IMMP2L: variants seen among roughly 807,000 people sequenced by gnomAD.
IMMP2L encodes inner mitochondrial membrane peptidase subunit 2.
Under a neutral mutation model 19.3 loss-of-function variants are expected in IMMP2L, and 18 were observed. The ratio of observed to expected loss-of-function variants is 0.93; its 90% CI spans 0.64 to 1.38. The LOEUF is 1.38. Among genes scored for constraint, IMMP2L ranks in the 40% most tolerant of loss-of-function variants. The pLI, the probability that IMMP2L is intolerant of heterozygous loss-of-function variation, is 0.00. For synonymous variants in IMMP2L, 76 were observed against 73.0 expected (o/e 1.04, Z -0.21); for missense variants, 233 against 218.2 (o/e 1.07, Z -0.43).
chr7:110,927,892 A>T (rs1815034539), intron 4 of IMMP2L, among the ~76,000 whole-genome samples: 3 of 152,136 alleles, frequency 2.0e-5, no homozygotes, highest in African/African-American at 7.2e-5. Context: ...TGAAACAGTG[A>T]CCTTGCTTAA....
At chr7:111,159,504 T>C (rs1805019867) in intron 3 of IMMP2L, among the ~76,000 whole-genome samples, 1 of 152,164 alleles carries the variant, frequency 6.6e-6, no homozygotes, top group South Asian at 2.1e-4. Flanking sequence ...CTGTAATATT[T>C]TTAACTTCTC....
intron 2 of IMMP2L, among the ~76,000 whole-genome samples, chr7:111,504,643 A>G (rs1217349292): frequency 6.6e-6 from 1 of 152,174 alleles, no homozygotes; most frequent in African/African-American, 2.4e-5. Flanking sequence ...AATGGAACAG[A>G]ACAGAGCCCT....
chr7:111,232,353 A>G (rs1224895555), intron 3 of IMMP2L, among the ~76,000 whole-genome samples: 1 of 151,300 alleles, frequency 6.6e-6, no homozygotes, highest in African/African-American at 2.4e-5. Flanking sequence ...TTAGTTCACT[A>G]TATTGATTCA....
At position 111,273,867 on chromosome 7, in the gene IMMP2L, TGA is replaced by T. The variant is rs1818740736; in HGVS notation, c.239+213369_239+213370del. 4.6e-5 allele frequency among the ~76,000 whole-genome samples: 7 copies of T among 152,278 alleles called. No homozygotes were observed. The South Asian group carries it at 1.2e-3, about 27-fold the overall frequency. On this transcript the variant is annotated intron_variant, in intron 3 of 5. Coordinates refer to ENST00000405709, the MANE Select transcript of IMMP2L (RefSeq NM_032549.4). ...ATAAAAGTAGGTTTGATCTTAATAC[TGA>T]GAGGATGCAAATACCAAAGTCATCA... is the stretch of plus-strand genomic sequence containing the variant.
intron 3 of IMMP2L, among the ~76,000 whole-genome samples, chr7:111,043,958 C>T (rs569727053): frequency 5.3e-5 from 8 of 152,112 alleles, no homozygotes; most frequent in Non-Finnish European, 8.8e-5. Context: ...GTTCATAGTC[C>T]GAAAGATACT....
At chr7:110,849,737 T>C (rs2131516028) in intron 5 of IMMP2L, among the ~76,000 whole-genome samples, 1 of 152,200 alleles carries the variant, frequency 6.6e-6, no homozygotes, top group African/African-American at 2.4e-5. Flanking sequence ...GTAAAGCAAT[T>C]TGACAATATG....
At chr7:111,418,471 C>T (rs774092585) in intron 3 of IMMP2L, among the ~76,000 whole-genome samples, 36 of 151,862 alleles carry the variant, frequency 2.4e-4, no homozygotes, top group South Asian at 6.2e-4. Context: ...ATTTGAAATA[C>T]GTCCCTTCTG....
rs1328356231 is a variant in IMMP2L, at chr7:110,840,485, A to G, written c.408+46108T>C. Among the ~76,000 whole-genome samples, 7 of 152,274 alleles carry G rather than the reference A, an allele frequency of 4.6e-5. No individual in the cohort carries two copies. The East Asian group carries it at 1.4e-3, about 29-fold the overall frequency. ...AAAGGAAATACATGTGGTTTAACCG[A>G]TATCATTGGTTAATGTCTGCTTAGC... On this transcript the variant is annotated intron_variant, in intron 5 of 5. Coordinates refer to ENST00000405709, the MANE Select transcript of IMMP2L (RefSeq NM_032549.4).
At chr7:111,220,782 C>G (rs147867731) in intron 3 of IMMP2L, among the ~76,000 whole-genome samples, 1 of 152,076 alleles carries the variant, frequency 6.6e-6, no homozygotes, top group African/African-American at 2.4e-5. Flanking sequence ...GTCTGAAGAC[C>G]TGAGAACCAG....
chr7:111,458,477 TAA>T (rs1839868695), intron 3 of IMMP2L, among the ~76,000 whole-genome samples: 1 of 152,120 alleles, frequency 6.6e-6, no homozygotes, highest in South Asian at 2.1e-4. Context: ...TGTACCACCC[TAA>T]GTTACCAGGA....
chr7:110,702,619 T>A (rs1401673622), intron 5 of IMMP2L, among the ~76,000 whole-genome samples: 1 of 152,174 alleles, frequency 6.6e-6, no homozygotes, highest in African/African-American at 2.4e-5. Flanking sequence ...GTTCTCAGAA[T>A]GTATTGCACA....
At chr7:110,999,414 T>C (rs1365001843) in intron 3 of IMMP2L, among the ~76,000 whole-genome samples, 3 of 151,536 alleles carry the variant, frequency 2.0e-5, no homozygotes, top group Non-Finnish European at 4.4e-5. Flanking sequence ...TTTTTCTGTT[T>C]GTCTTCTTGC....
At chr7:111,454,690 T>C (rs1441132983) in intron 3 of IMMP2L, among the ~76,000 whole-genome samples, 2 of 152,114 alleles carry the variant, frequency 1.3e-5, no homozygotes, top group African/African-American at 2.4e-5. Flanking sequence ...ATAAAGTATA[T>C]AATCAATAAG....
intron 3 of IMMP2L, among the ~76,000 whole-genome samples, chr7:111,057,559 T>C (rs1000809012): frequency 6.6e-6 from 1 of 152,212 alleles, no homozygotes; most frequent in South Asian, 2.1e-4. Context: ...TTACCATTCA[T>C]AGAAAGCAGC....
rs1220634197 is a variant in IMMP2L at position 111,556,033 on chromosome 7, TATAC to T, written c.-3+5814_-3+5817del. Among the ~76,000 whole-genome samples the T allele has an allele frequency of 5.6e-3, 750 of 134,278 alleles. 71 individuals are homozygous for T. The highest frequency in any genetic ancestry group is 0.026 in the Middle Eastern group (7 of 266). The allele number at this position is 134,278 out of a possible 152,430, so 88.1% of individuals were successfully genotyped here. On this transcript the variant is annotated intron_variant, in intron 1 of 5. Coordinates refer to ENST00000405709, the MANE Select transcript of IMMP2L (RefSeq NM_032549.4). The stretch of plus-strand genomic sequence containing the variant: ...CTGTGTGCATGTATATATATATATA[TATAC>T]ATACCCAAAGAAAATGAAACCGCAA...
At chr7:110,687,873 A>G (rs149694029) in intron 5 of IMMP2L, among the ~76,000 whole-genome samples, 10 of 151,974 alleles carry the variant, frequency 6.6e-5, no homozygotes, top group Non-Finnish European at 1.5e-4. Flanking sequence ...ATCTGCTTGT[A>G]TCTGGCTGGG....
At chr7:111,528,698 G>A (rs1466519144) in intron 1 of IMMP2L, among the ~76,000 whole-genome samples, 4 of 152,044 alleles carry the variant, frequency 2.6e-5, no homozygotes, top group Non-Finnish European at 5.9e-5. Context: ...ACTCATCCAT[G>A]GCAACCAGGT....
intron 4 of IMMP2L, among the ~76,000 whole-genome samples, chr7:110,936,099 G>A (rs1816082869): frequency 6.6e-6 from 1 of 152,260 alleles, no homozygotes; most frequent in East Asian, 1.9e-4. Context: ...AAAAACCCTA[G>A]AAGAAAACCT....
intron 3 of IMMP2L, among the ~76,000 whole-genome samples, chr7:111,468,718 G>A (rs967883797): frequency 7.9e-5 from 12 of 152,012 alleles, no homozygotes; most frequent in African/African-American, 2.7e-4. Flanking sequence ...AAGAAGGAGA[G>A]ATCTATGTGG....
Sources: gnomAD v4.1 joint callset for allele counts (sites outside exome capture counted in the v4.1 genomes callset) on GRCh38, gnomAD v4.1.1 for gene constraint, MANE v1.5 for transcripts, NCBI Gene and HGNC (gene_info 2026-07-23, HGNC 2026-07-21) for gene names.